Variants in SPON1 observed in about 807,000 individuals in gnomAD.
SPON1 encodes spondin-1.
Under a neutral mutation model 111.7 loss-of-function variants are expected in SPON1, and 52 were observed. The observed-to-expected ratio is 0.47, with a 90% confidence interval of 0.37 to 0.59. The LOEUF (loss-of-function observed/expected upper bound fraction) is 0.59, where lower values mean the gene tolerates loss of function less well. Ranked by LOEUF, SPON1 falls within the 20% of genes least tolerant of loss-of-function variation. SPON1 has a pLI of 0.00. For synonymous variants in SPON1, 410 were observed against 395.8 expected (o/e 1.04, Z -0.43); for missense variants, 957 against 1,068.5 (o/e 0.90, Z 1.46).
chr11:14,215,324 C>A (rs1591414232), intron 6 of SPON1, among the ~76,000 whole-genome samples: 2 of 152,282 alleles, frequency 1.3e-5, no homozygotes, highest in African/African-American at 4.8e-5. Flanking sequence ...TGGGTTATTT[C>A]TTCTTCTCAG....
intron 2 of SPON1, among the ~76,000 whole-genome samples, chr11:14,001,120 C>T (rs782560799): frequency 6.6e-6 from 1 of 152,148 alleles, no homozygotes; most frequent in Non-Finnish European, 1.5e-5. Context: ...TCCTCCACCC[C>T]CCAAGAAATG....
chr11:14,036,553 A>C (rs1444555193), intron 2 of SPON1, among the ~76,000 whole-genome samples: 2 of 152,204 alleles, frequency 1.3e-5, no homozygotes, highest in Admixed American at 6.5e-5. Flanking sequence ...CTGATATATC[A>C]AAAGGTAAAT....
Position 14,160,845 on chromosome 11 carries a change from A to T in SPON1, c.825+25277A>T, listed in dbSNP as rs1353377931. Reference sequence around the variant, plus strand: ...ATATTTTATATATATTTATATATTTATATATTTATATATATTTATATATTT... The same window carrying T: ...ATATTTTATATATATTTATATATTTTTATATTTATATATATTTATATATTT... On this transcript the variant is annotated intron_variant, in intron 6 of 15. Coordinates refer to ENST00000576479, the MANE Select transcript of SPON1 (RefSeq NM_006108.4). Among the ~76,000 whole-genome samples the T allele has an allele frequency of 1.3e-4, 6 of 44,740 alleles. 1 individual carries two copies. In the East Asian group the frequency reaches 3.1e-3, roughly 23 times the overall value. 29.4% of individuals were successfully genotyped at this position (44,740 alleles called of 152,430 possible). A position where few individuals can be genotyped will look rare whatever the true frequency, so the allele number is the denominator to read the frequency against.
intron 6 of SPON1, among the ~76,000 whole-genome samples, chr11:14,227,408 G>T (rs947775461): frequency 4.6e-5 from 7 of 152,116 alleles, no homozygotes; most frequent in Non-Finnish European, 8.8e-5. Context: ...TTTCACTTTT[G>T]TGTGCCTTGA....
At chr11:14,182,177 C>A (rs1848241066) in intron 6 of SPON1, among the ~76,000 whole-genome samples, 1 of 152,176 alleles carries the variant, frequency 6.6e-6, no homozygotes. Context: ...CCCCTTGATA[C>A]CTGTCCCTGA....
At chr11:14,072,156 T>C (rs1591367792) in intron 3 of SPON1, among the ~76,000 whole-genome samples, 1 of 152,166 alleles carries the variant, frequency 6.6e-6, no homozygotes, top group East Asian at 1.9e-4. Flanking sequence ...GGACCTGTCA[T>C]ATATAAAGCA....
At chr11:14,166,643 A>C (rs1554931888) in intron 6 of SPON1, among the ~76,000 whole-genome samples, 2 of 152,194 alleles carry the variant, frequency 1.3e-5, no homozygotes, top group Non-Finnish European at 2.9e-5. Flanking sequence ...TAAAGCTACA[A>C]TTGACTAGGA....
At chr11:14,050,396 G>A (rs547410081) in intron 3 of SPON1, among the ~76,000 whole-genome samples, 36 of 152,280 alleles carry the variant, frequency 2.4e-4, no homozygotes, top group Middle Eastern at 3.4e-3. Flanking sequence ...ACACAGTTAC[G>A]TTAATTCATT....
chr11:14,084,481 T>A (rs188061693), intron 5 of SPON1, among the ~76,000 whole-genome samples: 1 of 152,206 alleles, frequency 6.6e-6, no homozygotes, highest in Non-Finnish European at 1.5e-5. Context: ...CATGAACTCA[T>A]TCTTTTTTAT....
intron 6 of SPON1, among the ~76,000 whole-genome samples, chr11:14,214,867 G>A (rs1236840332): frequency 6.6e-6 from 1 of 152,164 alleles, no homozygotes; most frequent in Non-Finnish European, 1.5e-5. Flanking sequence ...GTGTTTGTTA[G>A]AATACTTAGA....
chr11:14,244,039 A>T (rs1472905669), intron 7 of SPON1, among the ~76,000 whole-genome samples: 3 of 152,194 alleles, frequency 2.0e-5, no homozygotes, highest in Non-Finnish European at 4.4e-5. Context: ...AAATATTGAA[A>T]GTACAGTGAG....
At chr11:14,241,501 G>A (rs1255865213) in intron 6 of SPON1, among the ~76,000 whole-genome samples, 2 of 152,168 alleles carry the variant, frequency 1.3e-5, no homozygotes, top group African/African-American at 2.4e-5. Flanking sequence ...GGAATCCTCA[G>A]CCTGACTGGT....
At chr11:14,158,857 C>T (rs944234315) in intron 6 of SPON1, among the ~76,000 whole-genome samples, 3 of 152,092 alleles carry the variant, frequency 2.0e-5, no homozygotes, top group African/African-American at 7.2e-5. Flanking sequence ...ACATGCAAGT[C>T]TTTCTCTTGC....
chr11:14,160,443 T>TTATATATATATATTTA lies in SPON1; in HGVS notation c.825+24886_825+24887insATTTATATATATATAT, dbSNP rs1476975665. The stretch of plus-strand genomic sequence containing the variant: ...TATATATATATATTTATATATATAT[T>TTATATATATATATTTA]TATATATATATTTATATATATATAT... On this transcript the variant is annotated intron_variant, in intron 6 of 15. Transcript: ENST00000576479. Among the ~76,000 whole-genome samples the TTATATATATATATTTA allele has an allele frequency of 1.1e-3, 18 of 16,718 alleles. 5 individuals are homozygous for TTATATATATATATTTA. Among genetic ancestry groups the TTATATATATATATTTA allele is most frequent in the South Asian group, 5.6e-3 (3 of 534 alleles). 11.0% of individuals were successfully genotyped at this position (16,718 alleles called of 152,430 possible).
chr11:14,211,709 G>A (rs1367062287), intron 6 of SPON1, among the ~76,000 whole-genome samples: 1 of 152,142 alleles, frequency 6.6e-6, no homozygotes, highest in Non-Finnish European at 1.5e-5. Flanking sequence ...TAGTATATAT[G>A]AAAACATGGT....
At position 14,254,598 on chromosome 11, in the gene SPON1, G is replaced by A; in HGVS notation, c.961G>A (p.Gly321Ser). Residue 321 changes from glycine to serine, a missense_variant, in exon 8 of 16, where the codon GGC (glycine) becomes AGC (serine). Transcript: ENST00000576479. ...TTTAATGTCCTTCCTGACCATGATGGGCCCTAGTCCCGACTGGAACGTAGG... is the reference window on the plus strand; with the variant it reads ...TTTAATGTCCTTCCTGACCATGATGAGCCCTAGTCCCGACTGGAACGTAGG... ...RHLMSFLTMM[G>S]PSPDWNVGLS... is the part of the protein sequence containing the mutation. 1 of 1,613,868 alleles carries A rather than the reference G, an allele frequency of 6.2e-7. No individual in the cohort carries two copies. Among genetic ancestry groups the A allele is most frequent in the South Asian group, 1.1e-5 (1 of 91,054 alleles).
At chr11:14,146,771 T>C (rs1847723943) in intron 6 of SPON1, among the ~76,000 whole-genome samples, 2 of 152,034 alleles carry the variant, frequency 1.3e-5, no homozygotes, top group African/African-American at 4.8e-5. Context: ...CAATAGAATC[T>C]AATAGAAAGT....
chr11:14,221,600 G>A (rs559727092), intron 6 of SPON1, among the ~76,000 whole-genome samples: 5 of 152,268 alleles, frequency 3.3e-5, no homozygotes, highest in African/African-American at 7.2e-5. Context: ...TGACTCATCC[G>A]ACGTTTTTAG....
intron 1 of SPON1, among the ~76,000 whole-genome samples, chr11:13,975,117 C>T (rs1848092136): frequency 6.6e-6 from 1 of 152,158 alleles, no homozygotes; most frequent in Non-Finnish European, 1.5e-5. Context: ...ACACATTGTT[C>T]ATACCTCCAT....
Sources: gnomAD v4.1 joint callset for allele counts (sites outside exome capture counted in the v4.1 genomes callset) on GRCh38, gnomAD v4.1.1 for gene constraint, MANE v1.5 for transcripts, NCBI Gene and HGNC (gene_info 2026-07-23, HGNC 2026-07-21) for gene names.